RIC1: variants seen among roughly 807,000 people sequenced by gnomAD.
RIC1 encodes guanine nucleotide exchange factor subunit RIC1.
In RIC1, 88 loss-of-function variants were observed where a neutral mutation model predicts 169.0. The ratio of observed to expected loss-of-function variants is 0.52; its 90% CI spans 0.44 to 0.62. The LOEUF is 0.62. Among genes scored for constraint, RIC1 ranks in the 20% least tolerant of loss-of-function variants. RIC1 has a pLI of 0.00. For synonymous variants in RIC1, 790 were observed against 601.5 expected (o/e 1.31, Z -4.59); for missense variants, 1,877 against 1,725.5 (o/e 1.09, Z -1.56).
chr9:5,691,923 A>G (rs928402370), intron 3 of RIC1, among the ~76,000 whole-genome samples: 1 of 151,980 alleles, frequency 6.6e-6, no homozygotes, highest in Non-Finnish European at 1.5e-5. Flanking sequence ...GTATTTTGAG[A>G]CCCACTTTTT....
chr9:5,774,366 T>A lies in RIC1; in HGVS notation c.*120T>A. ...AGTTCAGAGACTCTTCGGTAAGTAT[T>A]AGTAGATTTTAACTAATTCTTTCTT... is the stretch of plus-strand genomic sequence containing the variant. On this transcript the variant is annotated 3_prime_UTR_variant, in exon 26 of 26. Coordinates refer to ENST00000414202, the MANE Select transcript of RIC1 (RefSeq NM_020829.4). 1 of 749,780 alleles carries A rather than the reference T, an allele frequency of 1.3e-6. No individual in the cohort carries two copies. 46.4% of individuals were successfully genotyped at this position (749,780 alleles called of 1,614,324 possible). A position where few individuals can be genotyped will look rare whatever the true frequency, so the allele number is the denominator to read the frequency against.
At chr9:5,734,592 CAG>C (rs1824581472) in intron 7 of RIC1, among the ~76,000 whole-genome samples, 1 of 118,210 alleles carries the variant, frequency 8.5e-6, no homozygotes, top group Admixed American at 9.2e-5. Flanking sequence ...GTACATAATC[CAG>C]ATATTCATAG....
intron 1 of RIC1, among the ~76,000 whole-genome samples, chr9:5,637,970 T>TA (rs1159489919): frequency 1.3e-5 from 2 of 152,222 alleles, no homozygotes; most frequent in East Asian, 1.9e-4. Flanking sequence ...CTCAGTATGA[T>TA]ACTAGCTATG....
intron 1 of RIC1, among the ~76,000 whole-genome samples, chr9:5,635,315 C>T (rs527658767): frequency 6.6e-6 from 1 of 152,180 alleles, no homozygotes; most frequent in South Asian, 2.1e-4. Context: ...ACCCATTAAC[C>T]ATCCTTCCTT....
intron 1 of RIC1, among the ~76,000 whole-genome samples, chr9:5,648,192 C>A (rs776823656): frequency 1.3e-5 from 2 of 152,128 alleles, no homozygotes; most frequent in African/African-American, 4.8e-5. Context: ...CCATGTTGTT[C>A]AGACTGGTCT....
intron 2 of RIC1, among the ~76,000 whole-genome samples, chr9:5,676,996 A>C (rs1236220608): frequency 6.6e-6 from 1 of 152,214 alleles, no homozygotes; most frequent in Non-Finnish European, 1.5e-5. Flanking sequence ...ATTGATGTAC[A>C]AGTCTTTGTA....
chr9:5,746,101 T>C lies in RIC1; in HGVS notation c.1248+18T>C. Reference sequence around the variant, plus strand: ...CTTGTATGGTAAGTATATTTAAAGCTCTGATTTTTTAGTGTCTTTTGTGTT... The same window carrying C: ...CTTGTATGGTAAGTATATTTAAAGCCCTGATTTTTTAGTGTCTTTTGTGTT... On this transcript the variant is annotated intron_variant, in intron 11 of 25. Coordinates refer to ENST00000414202, the MANE Select transcript of RIC1 (RefSeq NM_020829.4). 1 of 1,583,276 alleles carries C rather than the reference T, an allele frequency of 6.3e-7. No individual in the cohort carries two copies. Among genetic ancestry groups the C allele is most frequent in the Non-Finnish European group, 8.6e-7 (1 of 1,158,284 alleles).
chr9:5,752,921 T>C (rs1172896399), intron 12 of RIC1, among the ~76,000 whole-genome samples: 1 of 152,208 alleles, frequency 6.6e-6, no homozygotes, highest in Non-Finnish European at 1.5e-5. Context: ...TCTGAAAATC[T>C]CTTGTCAGTC....
At chr9:5,758,697 C>T (rs571982239) in intron 17 of RIC1, among the ~76,000 whole-genome samples, 175 of 150,534 alleles carry the variant, frequency 1.2e-3, no homozygotes, top group Non-Finnish European at 1.8e-3. Flanking sequence ...TTATTCTAGA[C>T]CCCTTAAGCA....
intron 6 of RIC1, among the ~76,000 whole-genome samples, chr9:5,723,000 A>G (rs1823706057): frequency 6.6e-6 from 1 of 152,246 alleles, no homozygotes; most frequent in Non-Finnish European, 1.5e-5. Context: ...CTATTTGAAT[A>G]GTGCCACAAT....
At chr9:5,676,712 C>T (rs1204929318) in intron 2 of RIC1, among the ~76,000 whole-genome samples, 2 of 152,176 alleles carry the variant, frequency 1.3e-5, no homozygotes, top group South Asian at 2.1e-4. Context: ...TTTTAAGAAT[C>T]CCCACCTCTC....
chr9:5,689,092 A>AG (rs1821437896), intron 2 of RIC1, among the ~76,000 whole-genome samples: 2 of 110,342 alleles, frequency 1.8e-5, no homozygotes, highest in Non-Finnish European at 3.3e-5. Context: ...TCTGTCGCCC[A>AG]GCGGGGAGTG....
intron 2 of RIC1, among the ~76,000 whole-genome samples, chr9:5,665,762 C>T (rs1180813031): frequency 6.6e-6 from 1 of 152,102 alleles, no homozygotes; most frequent in Non-Finnish European, 1.5e-5. Flanking sequence ...CTGGAGGTAT[C>T]ACCAGGGAGG....
chr9:5,734,741 G>T (rs1305954221), intron 7 of RIC1, among the ~76,000 whole-genome samples: 1 of 152,020 alleles, frequency 6.6e-6, no homozygotes, highest in African/African-American at 2.4e-5. Flanking sequence ...CTTAGTAACT[G>T]GTCAACATTG....
At chr9:5,651,460 C>CA (rs1180597068) in intron 1 of RIC1, among the ~76,000 whole-genome samples, 2 of 151,392 alleles carry the variant, frequency 1.3e-5, no homozygotes, top group Non-Finnish European at 2.9e-5. Flanking sequence ...AGGTCTTATC[C>CA]AAAAAATTCC....
intron 8 of RIC1, 144 bp downstream of exon 8, chr9:5,738,682 T>G (rs34466881): frequency 0.019 from 8,860 of 461,690 alleles, 117 homozygotes; most frequent in Non-Finnish European, 0.024. Flanking sequence ...CTGGCTCAAG[T>G]CTGGAAATTG....
Position 5,689,503 on chromosome 9 carries a change from TA to T in RIC1, c.253-455del, listed in dbSNP as rs1367755529. ...AGACCAAAAGATTGTTTTTGAAATA[TA>T]TAAATATGCTGTTCTGAAGTTAATA... On this transcript the variant is annotated intron_variant, in intron 2 of 25. Coordinates refer to ENST00000414202, the MANE Select transcript of RIC1 (RefSeq NM_020829.4). Among the ~76,000 whole-genome samples the T allele has an allele frequency of 8.5e-5, 13 of 152,356 alleles. No homozygotes were observed. In the East Asian group the frequency reaches 2.5e-3, roughly 29 times the overall value.
intron 3 of RIC1, among the ~76,000 whole-genome samples, chr9:5,695,273 T>G (rs1181307998): frequency 6.6e-6 from 1 of 152,180 alleles, no homozygotes; most frequent in African/African-American, 2.4e-5. Context: ...CTATAATAAT[T>G]TATAGTTAGT....
chr9:5,769,384 C>T (rs1586728844), intron 22 of RIC1, 128 bp downstream of exon 22: 1 of 1,596,202 alleles, frequency 6.3e-7, no homozygotes, highest in Non-Finnish European at 8.5e-7. Flanking sequence ...TAAAAGCCAA[C>T]TTTTTGTACA....
Sources: allele counts gnomAD v4.1 joint callset (sites outside exome capture counted in the v4.1 genomes callset), GRCh38; gene constraint gnomAD v4.1.1; transcripts MANE v1.5; gene names NCBI Gene and HGNC (gene_info 2026-07-23, HGNC 2026-07-21).